The following SIRPG variants were observed in gnomAD, a reference collection of about 807,000 sequenced individuals.
The protein encoded by SIRPG is signal-regulatory protein gamma.
In SIRPG, 38 loss-of-function variants were observed where a neutral mutation model predicts 35.7. That is an observed-to-expected ratio of 1.06 (90% CI 0.82 to 1.40). The LOEUF (loss-of-function observed/expected upper bound fraction) is 1.40, where lower values mean the gene tolerates loss of function less well. Ranked by LOEUF, SIRPG falls within the 40% of genes most tolerant of loss-of-function variation. The pLI, the probability that SIRPG is intolerant of heterozygous loss-of-function variation, is 0.00. For synonymous variants in SIRPG, 215 were observed against 190.4 expected, an observed-to-expected ratio of 1.13 and a Z score of -1.06; for missense variants, 519 against 483.0, an observed-to-expected ratio of 1.07 and a Z score of -0.70.
intron 1 of SIRPG, 125 bp from the exon 2 acceptor site, chr20:1,649,533 C>T: frequency 1.3e-6 from 1 of 794,238 alleles, no homozygotes; most frequent in South Asian, 1.7e-5. Context: ...GATCTCAGCA[C>T]ACTGCATGTA....
chr20:1,683,214 T>C, the SIRPG span, among the ~76,000 whole-genome samples: 1 of 152,314 alleles, frequency 6.6e-6, no homozygotes, highest in Admixed American at 6.5e-5. Context: ...CTCACACCTG[T>C]TAGAATGGTT....
the SIRPG span, among the ~76,000 whole-genome samples, chr20:1,674,557 C>A: frequency 1.3e-5 from 2 of 152,226 alleles, no homozygotes; most frequent in African/African-American, 4.8e-5. Flanking sequence ...GTGGCCCAGG[C>A]AGTTGGGCTC....
At chr20:1,684,856 A>G in the SIRPG span, among the ~76,000 whole-genome samples, 18 of 146,786 alleles carry the variant, frequency 1.2e-4, no homozygotes, top group South Asian at 3.8e-3. Flanking sequence ...TGTTGTGAGG[A>G]TTAGTAGAGT....
chr20:1,644,994 C>T (rs1600214402), intron 2 of SIRPG, among the ~76,000 whole-genome samples: 2 of 152,302 alleles, frequency 1.3e-5, no homozygotes, highest in African/African-American at 2.4e-5. Context: ...GCCATCTTGG[C>T]CCTGTCCTGC....
intron 5 of SIRPG, 89 bp downstream of exon 5, chr20:1,630,133 T>A: frequency 2.0e-6 from 2 of 1,018,602 alleles, no homozygotes; most frequent in South Asian, 2.8e-5. Context: ...CCACGGACCC[T>A]GGTGCTGCAT....
rs759660817 is a variant in SIRPG, at chr20:1,649,347, A to G, written c.135T>C (p.Val45=). Residue 45 remains valine, a synonymous_variant, in exon 2 of 6, where the codon GTT becomes GTC. Coordinates refer to ENST00000303415, the MANE Select transcript of SIRPG (RefSeq NM_018556.4). ...IQPEKLLLVT[V]GKTATLHCTV... is the part of the protein sequence containing the mutation. Reference sequence around the variant, plus strand: ...TGCAGTGCAGAGTGGCTGTCTTTCCAACTGTGACCAACAGGAGCTTCTCAG... The same window carrying G: ...TGCAGTGCAGAGTGGCTGTCTTTCCGACTGTGACCAACAGGAGCTTCTCAG... 13 of 1,613,968 alleles carry G rather than the reference A, an allele frequency of 8.1e-6. 1 individual carries two copies. Among genetic ancestry groups the G allele is most frequent in the Middle Eastern group, 3.3e-4 (2 of 6,060 alleles).
At chr20:1,671,930 C>T in the SIRPG span, among the ~76,000 whole-genome samples, 4 of 152,340 alleles carry the variant, frequency 2.6e-5, no homozygotes, top group African/African-American at 9.6e-5. Context: ...GAGTGGGCAT[C>T]ATGGCCATCA....
the SIRPG span, among the ~76,000 whole-genome samples, chr20:1,674,191 A>T: frequency 1.3e-5 from 2 of 151,448 alleles, no homozygotes; most frequent in Admixed American, 1.3e-4. Flanking sequence ...ATTTTTTTTT[A>T]GGAGGGAGCC....
intron 2 of SIRPG, chr20:1,646,875 G>C (rs1468726983): frequency 6.6e-6 from 1 of 152,178 alleles, no homozygotes; most frequent in Non-Finnish European, 1.5e-5. Context: ...TTGAACTCCT[G>C]ACCTCAGGTG....
At chr20:1,653,002 G>A (rs1011655838) in intron 1 of SIRPG, among the ~76,000 whole-genome samples, 1 of 152,126 alleles carries the variant, frequency 6.6e-6, no homozygotes, top group African/African-American at 2.4e-5. Flanking sequence ...TGCTCCTGTG[G>A]AATTTGACAG....
intron 2 of SIRPG, among the ~76,000 whole-genome samples, chr20:1,645,722 T>C (rs2091892913): frequency 6.6e-6 from 1 of 152,136 alleles, no homozygotes; most frequent in Non-Finnish European, 1.5e-5. Context: ...AGCTAGAAAA[T>C]GGCAGAGCTG....
chr20:1,684,514 T>C, the SIRPG span, among the ~76,000 whole-genome samples: 1 of 152,178 alleles, frequency 6.6e-6, no homozygotes, highest in African/African-American at 2.4e-5. Flanking sequence ...ATGAAACCTG[T>C]TAAAATCTCA....
chr20:1,670,961 GA>G, the SIRPG span: 1 of 345,520 alleles, frequency 2.9e-6, no homozygotes, highest in Non-Finnish European at 5.9e-6. Flanking sequence ...CAGATGACCT[GA>G]AGGCAAAGGT....
rs2091789298 is a variant in SIRPG at position 1,635,375 on chromosome 20, C to T, written c.973G>A (p.Val325Met). Reference protein sequence around the residue: ...LVNISDQRDDVVLTCQVKHDG... With the variant: ...LVNISDQRDDMVLTCQVKHDG... The stretch of plus-strand genomic sequence containing the variant: ...TGCTTCACCTGGCAGGTGAGGACCA[C>T]ATCATCCCTTTGGTCAGATATGTTC... Residue 325 changes from valine to methionine, a missense_variant, in exon 4 of 6, where the codon GTG (valine) becomes ATG (methionine). By Grantham distance (21) the Val-to-Met change is conservative (BLOSUM62 1). Transcript: ENST00000303415. The T allele has an allele frequency of 8.1e-6, 13 of 1,614,206 alleles. No homozygotes were observed. Among genetic ancestry groups the T allele is most frequent in the Non-Finnish European group, 1.1e-5 (13 of 1,180,036 alleles).
At chr20:1,633,325 A>T (rs182726904) in intron 4 of SIRPG, among the ~76,000 whole-genome samples, 156 of 152,360 alleles carry the variant, frequency 1.0e-3, no homozygotes, top group African/African-American at 3.5e-3. Context: ...TTAAATATGA[A>T]TTAAAACCAA....
At position 1,635,270 on chromosome 20, in the gene SIRPG, G is replaced by A. The variant is rs2091787645; in HGVS notation, c.1078C>T (p.Pro360Ser). 2 of 1,601,770 alleles carry A rather than the reference G, an allele frequency of 1.2e-6. No individual in the cohort carries two copies. The highest frequency in any genetic ancestry group is 1.7e-5 in the Admixed American group (1 of 59,016). The change falls in exon 4 of 6, where the codon CCT becomes TCT. Residue 360 changes from proline to serine, a missense_variant. Coordinates refer to ENST00000303415, the MANE Select transcript of SIRPG (RefSeq NM_018556.4). Reference sequence around the variant, plus strand: ...TAAAAATTTTGAGTAACCTCACCAGGGGTAGCATCTGAGCTCTGGTCCTTC... The same window carrying A: ...TAAAAATTTTGAGTAACCTCACCAGAGGTAGCATCTGAGCTCTGGTCCTTC... ...HQKDQSSDAT[P>S]GPASSLTALL...
the SIRPG span, among the ~76,000 whole-genome samples, chr20:1,676,024 T>C: frequency 6.6e-6 from 1 of 152,124 alleles, no homozygotes; most frequent in South Asian, 2.1e-4. Context: ...GCTGATAATA[T>C]GGCAAAGAGG....
the SIRPG span, among the ~76,000 whole-genome samples, chr20:1,668,526 A>C: frequency 0.66 from 100,182 of 151,374 alleles, 33,760 homozygotes; most frequent in East Asian, 0.86. Context: ...GCATGATCCA[A>C]CCACCTCGGT....
intron 1 of SIRPG, among the ~76,000 whole-genome samples, chr20:1,649,999 AGTGT>A (rs146744745): frequency 6.7e-5 from 8 of 119,076 alleles, no homozygotes; most frequent in African/African-American, 2.7e-4. Flanking sequence ...TCTACTTTGA[AGTGT>A]GTATATATAT....
Sources: allele counts gnomAD v4.1 joint callset (sites outside exome capture counted in the v4.1 genomes callset), GRCh38; gene constraint gnomAD v4.1.1; transcripts MANE v1.5; gene names NCBI Gene and HGNC (gene_info 2026-07-23, HGNC 2026-07-21).